Variants in CBFB observed in about 807,000 individuals in gnomAD.
CBFB encodes the protein CBF-beta.
Under a neutral mutation model 30.4 loss-of-function variants are expected in CBFB, and 9 were observed. The ratio of observed to expected loss-of-function variants is 0.30; its 90% CI spans 0.18 to 0.52. The LOEUF is 0.52. CBFB is among the 20% of genes least tolerant of loss of function. The pLI is 0.97. For synonymous variants in CBFB, 94 were observed against 84.0 expected, an observed-to-expected ratio of 1.12 and a Z score of -0.65; for missense variants, 170 against 244.0, an observed-to-expected ratio of 0.70 and a Z score of 2.02.
At chr16:67,068,454 C>G (rs1961121792) in intron 4 of CBFB, among the ~76,000 whole-genome samples, 1 of 152,082 alleles carries the variant, frequency 6.6e-6, no homozygotes, top group South Asian at 2.1e-4. Context: ...GTACTGCAGC[C>G]TGGGCAACAG....
intron 4 of CBFB, among the ~76,000 whole-genome samples, chr16:67,075,933 A>C (rs1961382907): frequency 6.6e-6 from 1 of 152,160 alleles, no homozygotes; most frequent in South Asian, 2.1e-4. Flanking sequence ...TAAAAATTTC[A>C]AAAATTTTTA....
At chr16:67,063,592 C>T (rs1960970894) in intron 3 of CBFB, among the ~76,000 whole-genome samples, 1 of 152,130 alleles carries the variant, frequency 6.6e-6, no homozygotes, top group Non-Finnish European at 1.5e-5. Flanking sequence ...CAGGCACACA[C>T]ACCCACGCCC....
At chr16:67,035,896 G>C (rs575712709) in intron 2 of CBFB, among the ~76,000 whole-genome samples, 2 of 152,108 alleles carry the variant, frequency 1.3e-5, no homozygotes, top group Non-Finnish European at 2.9e-5. Flanking sequence ...GAGGTAACTT[G>C]CTCAAGGCCT....
intron 5 of CBFB, among the ~76,000 whole-genome samples, chr16:67,085,671 A>ATTTT (rs1961707367): frequency 7.8e-6 from 1 of 127,706 alleles, no homozygotes; most frequent in African/African-American, 3.1e-5. Context: ...AAAATTTAGT[A>ATTTT]TCTTTTTTTT....
intron 3 of CBFB, among the ~76,000 whole-genome samples, chr16:67,045,840 G>T (rs1567607655): frequency 6.8e-6 from 1 of 147,982 alleles, no homozygotes; most frequent in Non-Finnish European, 1.5e-5. Context: ...CTGTCATCCA[G>T]GCTGGAGTGC....
intron 3 of CBFB, among the ~76,000 whole-genome samples, chr16:67,044,654 A>C (rs1242423971): frequency 2.0e-5 from 3 of 152,302 alleles, no homozygotes; most frequent in Non-Finnish European, 4.4e-5. Flanking sequence ...GGCCTTTTCT[A>C]ATAAAGGTCT....
chr16:67,095,391 C>T (rs887100772), intron 5 of CBFB, among the ~76,000 whole-genome samples: 3 of 151,966 alleles, frequency 2.0e-5, no homozygotes, highest in Non-Finnish European at 4.4e-5. Context: ...GTGCTGCGTG[C>T]CTGTAGTTCC....
In CBFB at chr16:67,057,990, A is replaced by G. The variant is rs147656572; in HGVS notation, c.283-8692A>G. On this transcript the variant is annotated intron_variant, in intron 3 of 5. Transcript: ENST00000412916. ...GGCCTGATTGTTTTATGTGAACTGT[A>G]GACTTCCCAAATTCTAAAAAACATT... 5.7e-3 allele frequency among the ~76,000 whole-genome samples: 867 copies of G among 152,310 alleles called. 3 individuals carry two copies. The highest frequency in any genetic ancestry group is 0.019 in the African/African-American group (810 of 41,560).
intron 4 of CBFB, among the ~76,000 whole-genome samples, chr16:67,076,532 C>T (rs1274451258): frequency 6.6e-6 from 1 of 151,916 alleles, no homozygotes; most frequent in Non-Finnish European, 1.5e-5. Context: ...AGCAAAATGC[C>T]TCTTGGTAAT....
chr16:67,071,729 G>A (rs1004669210), intron 4 of CBFB, among the ~76,000 whole-genome samples: 3 of 152,276 alleles, frequency 2.0e-5, no homozygotes, highest in Non-Finnish European at 4.4e-5. Flanking sequence ...GAATGGGATA[G>A]CATATGTAAA....
At chr16:67,032,086 CT>C (rs1357657254) in intron 2 of CBFB, among the ~76,000 whole-genome samples, 1 of 152,116 alleles carries the variant, frequency 6.6e-6, no homozygotes, top group African/African-American at 2.4e-5. Flanking sequence ...TCATCTCAGA[CT>C]TTGCTGAATG....
chr16:67,088,947 G>A (rs1961805469), intron 5 of CBFB, among the ~76,000 whole-genome samples: 1 of 152,212 alleles, frequency 6.6e-6, no homozygotes. Context: ...TTTCAACAGT[G>A]TCTTTTAACC....
chr16:67,045,480 A>AC (rs1480970073), intron 3 of CBFB, among the ~76,000 whole-genome samples: 1 of 152,058 alleles, frequency 6.6e-6, no homozygotes, highest in African/African-American at 2.4e-5. Context: ...TTGTACCACA[A>AC]CACTCCAGCC....
chr16:67,093,523 TC>T (rs1282229489), intron 5 of CBFB: 1 of 152,134 alleles, frequency 6.6e-6, no homozygotes, highest in Non-Finnish European at 1.5e-5. Context: ...GTGTGTTCTT[TC>T]GTCTCATTTG....
chr16:67,098,732 G>A lies in CBFB; in HGVS notation c.518G>A (p.Ser173Asn), dbSNP rs185973558. Residue 173 changes from serine (S) to asparagine (N), a missense_variant, in exon 6 of 6, where the codon AGT (serine) becomes AAT (asparagine). Ser to Asn is a conservative substitution (Grantham distance 46). Transcript: ENST00000412916. ...EMEARRQQDP[S>N]PGSNLGGGDD... Reference sequence around the variant, plus strand: ...CAGGCAAGAAGACAACAAGACCCTAGTCCTGGTTCCAATTTAGGTGGTGGT... The same window carrying A: ...CAGGCAAGAAGACAACAAGACCCTAATCCTGGTTCCAATTTAGGTGGTGGT... The A allele has an allele frequency of 8.7e-6, 14 of 1,610,774 alleles. No homozygotes were observed. In the East Asian group the frequency reaches 2.9e-4, roughly 33 times the overall value.
At chr16:67,095,446 G>A (rs1227375284) in intron 5 of CBFB, among the ~76,000 whole-genome samples, 1 of 152,148 alleles carries the variant, frequency 6.6e-6, no homozygotes, top group Non-Finnish European at 1.5e-5. Flanking sequence ...GAACCCAGGA[G>A]GCAGAGGTTG....
Position 67,029,386 on chromosome 16 carries a change from G to T in CBFB, c.-22G>T, listed in dbSNP as rs984334537. The T allele has an allele frequency of 3.0e-5, 45 of 1,497,998 alleles. No individual in the cohort carries two copies. The highest frequency in any genetic ancestry group is 3.6e-5 in the Non-Finnish European group (41 of 1,124,270). 92.8% of individuals were successfully genotyped at this position (1,497,998 alleles called of 1,614,324 possible). ...GCGCAAGCCCCGAGCGCGGCCGGCC[G>T]GCGCGGCCTCAGGGCGGGAAGATGC... is the stretch of plus-strand genomic sequence containing the variant. On this transcript the variant is annotated 5_prime_UTR_variant, in exon 1 of 6. Coordinates refer to ENST00000412916, the MANE Select transcript of CBFB (RefSeq NM_022845.3).
At chr16:67,060,011 A>G (rs1020564595) in intron 3 of CBFB, among the ~76,000 whole-genome samples, 2 of 148,010 alleles carry the variant, frequency 1.4e-5, no homozygotes, top group East Asian at 2.0e-4. Context: ...GTTTCGCTCT[A>G]TATCCCAATC....
chr16:67,095,428 A>C (rs1597165169), intron 5 of CBFB, among the ~76,000 whole-genome samples: 1 of 152,002 alleles, frequency 6.6e-6, no homozygotes, highest in South Asian at 2.1e-4. Context: ...GAGGCAGGGG[A>C]ATTGCTTGAA....
Sources: allele counts gnomAD v4.1 joint callset (sites outside exome capture counted in the v4.1 genomes callset), GRCh38; gene constraint gnomAD v4.1.1; transcripts MANE v1.5; gene names NCBI Gene and HGNC (gene_info 2026-07-23, HGNC 2026-07-21).